The following LRRC4C variants were observed in gnomAD, a reference collection of about 807,000 sequenced individuals.
LRRC4C encodes leucine-rich repeat-containing protein 4C.
Under a neutral mutation model 33.6 loss-of-function variants are expected in LRRC4C, and 5 were observed. That is an observed-to-expected ratio of 0.15 (90% CI 0.08 to 0.31). The LOEUF (loss-of-function observed/expected upper bound fraction) is 0.31. Among genes scored for constraint, LRRC4C ranks in the 10% least tolerant of loss-of-function variants. The probability of loss-of-function intolerance (pLI) is 1.00; values close to 1 mark genes in which losing one functional copy is unlikely to be tolerated. For missense variants in LRRC4C, 560 were observed against 796.7 expected, an observed-to-expected ratio of 0.70 and a Z score of 3.58; for synonymous variants, 329 against 302.0, an observed-to-expected ratio of 1.09 and a Z score of -0.93.
intron 3 of LRRC4C, among the ~76,000 whole-genome samples, chr11:40,398,129 G>A (rs1323505912): frequency 2.0e-5 from 3 of 151,930 alleles, no homozygotes; most frequent in Non-Finnish European, 1.5e-5. Flanking sequence ...TTATAATGTT[G>A]GAGAAGCTTA....
At chr11:41,370,527 C>T (rs1382370811) in intron 1 of LRRC4C, among the ~76,000 whole-genome samples, 3 of 151,992 alleles carry the variant, frequency 2.0e-5, no homozygotes, top group Non-Finnish European at 2.9e-5. Context: ...CAGGGGTGTC[C>T]GCTTTTGTTT....
chr11:41,046,527 T>C (rs1483505136), intron 1 of LRRC4C, among the ~76,000 whole-genome samples: 2 of 152,194 alleles, frequency 1.3e-5, no homozygotes, highest in African/African-American at 4.8e-5. Context: ...AAAAATGTTA[T>C]AATGATTGGG....
At chr11:40,893,379 T>A (rs1237928443) in intron 2 of LRRC4C, among the ~76,000 whole-genome samples, 1 of 152,044 alleles carries the variant, frequency 6.6e-6, no homozygotes, top group Non-Finnish European at 1.5e-5. Flanking sequence ...GGAAGTACAA[T>A]TGGAAAGTTC....
intron 1 of LRRC4C, among the ~76,000 whole-genome samples, chr11:41,318,911 A>G (rs1950873536): frequency 6.6e-6 from 1 of 152,208 alleles, no homozygotes; most frequent in Non-Finnish European, 1.5e-5. Context: ...TTTTCACACT[A>G]CCTTAATTCG....
intron 2 of LRRC4C, among the ~76,000 whole-genome samples, chr11:40,852,525 A>C (rs1449593277): frequency 6.6e-6 from 1 of 152,110 alleles, no homozygotes; most frequent in East Asian, 1.9e-4. Context: ...AGAAGATTTG[A>C]TTTTTTGCAG....
intron 1 of LRRC4C, among the ~76,000 whole-genome samples, chr11:41,265,868 T>G (rs1490120922): frequency 3.4e-4 from 4 of 11,806 alleles, no homozygotes; most frequent in African/African-American, 1.7e-3. Flanking sequence ...CCATGGGTCT[T>G]TTCTTTTTTT....
chr11:40,711,994 C>T (rs1245172074), intron 2 of LRRC4C, among the ~76,000 whole-genome samples: 1 of 152,110 alleles, frequency 6.6e-6, no homozygotes, highest in Non-Finnish European at 1.5e-5. Context: ...AACTAAAATG[C>T]AAACTTCCTT....
chr11:40,890,849 G>C (rs1742942384), intron 2 of LRRC4C, among the ~76,000 whole-genome samples: 1 of 150,900 alleles, frequency 6.6e-6, no homozygotes, highest in Admixed American at 6.6e-5. Context: ...CAACAAGGCT[G>C]AAAAAAAAAT....
intron 1 of LRRC4C, among the ~76,000 whole-genome samples, chr11:41,308,442 G>A (rs1402512043): frequency 6.6e-6 from 1 of 152,090 alleles, no homozygotes; most frequent in Non-Finnish European, 1.5e-5. Context: ...GCCTGATCCT[G>A]TGCTGTGTCC....
intron 1 of LRRC4C, among the ~76,000 whole-genome samples, chr11:41,354,324 A>C (rs1952084747): frequency 6.6e-6 from 1 of 152,148 alleles, no homozygotes; most frequent in Non-Finnish European, 1.5e-5. Context: ...TAGGGAAGTG[A>C]AATATCTCCA....
intron 3 of LRRC4C, among the ~76,000 whole-genome samples, chr11:40,543,942 T>C (rs1318837566): frequency 1.3e-5 from 2 of 152,082 alleles, no homozygotes; most frequent in African/African-American, 2.4e-5. Flanking sequence ...TAACAATTTA[T>C]CACTGACAGC....
At chr11:40,925,354 G>A (rs1957369649) in intron 2 of LRRC4C, among the ~76,000 whole-genome samples, 1 of 152,140 alleles carries the variant, frequency 6.6e-6, no homozygotes, top group African/African-American at 2.4e-5. Context: ...AACAAAACAA[G>A]GGAAAGAATA....
At chr11:41,153,249 TCA>T (rs1025023111) in intron 1 of LRRC4C, among the ~76,000 whole-genome samples, 6 of 152,182 alleles carry the variant, frequency 3.9e-5, no homozygotes, top group African/African-American at 1.4e-4. Flanking sequence ...TGCCATAGCC[TCA>T]GTTACTAGAT....
intron 1 of LRRC4C, among the ~76,000 whole-genome samples, chr11:41,160,172 T>C (rs1209704625): frequency 3.3e-5 from 5 of 151,562 alleles, no homozygotes; most frequent in Non-Finnish European, 7.4e-5. Flanking sequence ...GCCATAAGAG[T>C]TGATAACAAT....
chr11:41,346,157 T>C (rs1951797380), intron 1 of LRRC4C, among the ~76,000 whole-genome samples: 1 of 152,146 alleles, frequency 6.6e-6, no homozygotes, highest in African/African-American at 2.4e-5. Flanking sequence ...CTTCCTGGCT[T>C]GGCCAAGCAC....
intron 2 of LRRC4C, among the ~76,000 whole-genome samples, chr11:40,756,564 G>T (rs569435888): frequency 6.6e-6 from 1 of 152,084 alleles, no homozygotes; most frequent in East Asian, 1.9e-4. Context: ...AGTTGGGGCT[G>T]GGTATTTTCT....
At chr11:40,276,790 T>G (rs1943140904) in intron 4 of LRRC4C, among the ~76,000 whole-genome samples, 1 of 151,268 alleles carries the variant, frequency 6.6e-6, no homozygotes, top group South Asian at 2.1e-4. Context: ...GTGCCTGTCT[T>G]CCCTGCTGCT....
chr11:40,301,821 A>G (rs1944786163), intron 4 of LRRC4C, among the ~76,000 whole-genome samples: 1 of 152,192 alleles, frequency 6.6e-6, no homozygotes, highest in Non-Finnish European at 1.5e-5. Context: ...ATGTTAAACA[A>G]TTTGCATTTT....
At chr11:41,318,555 C>G (rs1166796570) in intron 1 of LRRC4C, among the ~76,000 whole-genome samples, 1 of 152,192 alleles carries the variant, frequency 6.6e-6, no homozygotes, top group Non-Finnish European at 1.5e-5. Flanking sequence ...CTCTGCTCCA[C>G]TATCTACTTT....
Sources: gnomAD v4.1 joint callset for allele counts (sites outside exome capture counted in the v4.1 genomes callset) on GRCh38, gnomAD v4.1.1 for gene constraint, MANE v1.5 for transcripts, NCBI Gene and HGNC (gene_info 2026-07-23, HGNC 2026-07-21) for gene names.